Variants in ATP8B1 observed in about 807,000 individuals in gnomAD.
ATP8B1 encodes the protein phospholipid-transporting ATPase IC.
In ATP8B1, 80 loss-of-function variants were observed where a neutral mutation model predicts 149.9. That is an observed-to-expected ratio of 0.53 (90% CI 0.45 to 0.64). ATP8B1 has a LOEUF of 0.64. Ranked by LOEUF, ATP8B1 falls within the 30% of genes least tolerant of loss-of-function variation. The probability of loss-of-function intolerance (pLI) is 0.00; values close to 1 mark genes in which losing one functional copy is unlikely to be tolerated. For synonymous variants in ATP8B1, 536 were observed against 562.8 expected (o/e 0.95, Z 0.67); for missense variants, 1,247 against 1,552.6 (o/e 0.80, Z 3.31).
chr18:57,770,685 G>T (rs1362667903), intron 1 of ATP8B1, among the ~76,000 whole-genome samples: 1 of 152,262 alleles, frequency 6.6e-6, no homozygotes, highest in Non-Finnish European at 1.5e-5. Flanking sequence ...CCCCTTGGGG[G>T]CAAACCACAC....
intron 6 of ATP8B1, among the ~76,000 whole-genome samples, chr18:57,699,833 G>A (rs759373840): frequency 3.3e-4 from 51 of 152,256 alleles, no homozygotes; most frequent in Middle Eastern, 3.4e-3. Flanking sequence ...GATTACAGGC[G>A]TGAGCCACCG....
chr18:57,675,864 C>T (rs1442579433), intron 15 of ATP8B1, among the ~76,000 whole-genome samples: 1 of 152,160 alleles, frequency 6.6e-6, no homozygotes, highest in Admixed American at 6.6e-5. Flanking sequence ...CGCCACCACA[C>T]CTGGCTAATT....
At chr18:57,696,535 AT>A (rs1442668760) in intron 8 of ATP8B1, among the ~76,000 whole-genome samples, 2 of 88,954 alleles carry the variant, frequency 2.2e-5, no homozygotes, top group Non-Finnish European at 2.1e-5. Context: ...GGCTTTAAGT[AT>A]TTTTTTCCGC....
intron 2 of ATP8B1, among the ~76,000 whole-genome samples, chr18:57,713,317 G>T (rs539895887): frequency 7.1e-6 from 1 of 141,650 alleles, no homozygotes; most frequent in South Asian, 2.3e-4. Flanking sequence ...TCTTTTCAGA[G>T]ATAGAGTCTT....
intron 2 of ATP8B1, among the ~76,000 whole-genome samples, chr18:57,714,815 A>T (rs988728771): frequency 1.3e-5 from 2 of 152,212 alleles, no homozygotes; most frequent in African/African-American, 4.8e-5. Context: ...AATCCTTCCC[A>T]AGAAGGATGG....
intron 2 of ATP8B1, among the ~76,000 whole-genome samples, chr18:57,713,050 T>C (rs1226478386): frequency 2.6e-5 from 4 of 152,054 alleles, no homozygotes; most frequent in Admixed American, 2.0e-4. Context: ...CTGGCTTTAG[T>C]TGTGACCCAG....
intron 1 of ATP8B1, among the ~76,000 whole-genome samples, chr18:57,745,677 C>T (rs1428449961): frequency 3.4e-5 from 5 of 148,112 alleles, no homozygotes; most frequent in African/African-American, 1.0e-4. Context: ...TTTTTTCTGA[C>T]GCAGGGCCTT....
intron 6 of ATP8B1, among the ~76,000 whole-genome samples, chr18:57,700,721 C>T (rs1913073495): frequency 6.6e-6 from 1 of 152,226 alleles, no homozygotes; most frequent in Middle Eastern, 3.4e-3. Flanking sequence ...GAGTTTGAGA[C>T]CAGCCTGGCC....
chr18:57,684,317 TTC>T, intron 14 of ATP8B1, 125 bp from the exon 15 acceptor site: 1 of 1,045,676 alleles, frequency 9.6e-7, no homozygotes, highest in African/African-American at 1.6e-5. Flanking sequence ...TTTTAGCACA[TTC>T]TTAAATGTCA....
At chr18:57,792,807 G>C (rs1446250033) in intron 1 of ATP8B1, among the ~76,000 whole-genome samples, 1 of 152,100 alleles carries the variant, frequency 6.6e-6, no homozygotes, top group Non-Finnish European at 1.5e-5. Flanking sequence ...ATGGAGATGG[G>C]GAGTGGCTGG....
intron 1 of ATP8B1, among the ~76,000 whole-genome samples, chr18:57,761,061 T>C (rs2080148058): frequency 7.5e-6 from 1 of 133,672 alleles, no homozygotes; most frequent in South Asian, 2.3e-4. Context: ...TAACATAAAA[T>C]AACATAAAAT....
intron 5 of ATP8B1, 26 bp from the exon 6 acceptor site, chr18:57,701,126 T>C: frequency 1.9e-6 from 3 of 1,613,356 alleles, no homozygotes; most frequent in Non-Finnish European, 2.5e-6. Context: ...GGGGAAATGC[T>C]GTTTTAAACA....
intron 1 of ATP8B1, among the ~76,000 whole-genome samples, chr18:57,782,427 G>T (rs1475019451): frequency 6.6e-6 from 1 of 152,028 alleles, no homozygotes; most frequent in African/African-American, 2.4e-5. Flanking sequence ...TTTATTATGC[G>T]TGTAGGCATC....
chr18:57,745,621 C>T (rs2079957096), intron 1 of ATP8B1, among the ~76,000 whole-genome samples: 1 of 151,538 alleles, frequency 6.6e-6, no homozygotes, highest in Non-Finnish European at 1.5e-5. Context: ...GAATGGAAAC[C>T]ACATGAGTGT....
intron 24 of ATP8B1, 64 bp downstream of exon 24, chr18:57,653,928 C>T (rs1909811566): frequency 6.9e-7 from 1 of 1,441,496 alleles, no homozygotes; most frequent in East Asian, 2.3e-5. Context: ...GAAACGTTTG[C>T]TTGGGACTTC....
At chr18:57,670,493 AG>A (rs1911159702) in intron 17 of ATP8B1, among the ~76,000 whole-genome samples, 1 of 151,350 alleles carries the variant, frequency 6.6e-6, no homozygotes, top group Non-Finnish European at 1.5e-5. Flanking sequence ...CTGGGATTAC[AG>A]GCGGGTGCCA....
intron 1 of ATP8B1, among the ~76,000 whole-genome samples, chr18:57,796,225 G>T (rs1388088262): frequency 3.3e-5 from 5 of 152,132 alleles, no homozygotes; most frequent in Admixed American, 2.6e-4. Flanking sequence ...AAGAAGACAA[G>T]ATCATAAGGA....
chr18:57,651,421 A>G (rs531282085), intron 26 of ATP8B1, among the ~76,000 whole-genome samples: 10 of 151,960 alleles, frequency 6.6e-5, no homozygotes, highest in Non-Finnish European at 1.5e-4. Flanking sequence ...ATTAGGTTTT[A>G]TGGGAAAGAA....
Position 57,726,276 on chromosome 18 carries a change from G to A in ATP8B1, c.181+5351C>T, listed in dbSNP as rs117116358. ...AAAAAACCACTTGGGAAACTCTCCA[G>A]GACACTAAACTGGGCAAAGATTTCT... is the stretch of plus-strand genomic sequence containing the variant. On this transcript the variant is annotated intron_variant, in intron 2 of 27. Coordinates refer to ENST00000648908, the MANE Select transcript of ATP8B1 (RefSeq NM_001374385.1). 1.1e-3 allele frequency among the ~76,000 whole-genome samples: 160 copies of A among 152,136 alleles called. 2 individuals are homozygous for A. The East Asian group carries it at 0.027, about 26-fold the overall frequency.
Sources: allele counts gnomAD v4.1 joint callset (sites outside exome capture counted in the v4.1 genomes callset), GRCh38; gene constraint gnomAD v4.1.1; transcripts MANE v1.5; gene names NCBI Gene and HGNC (gene_info 2026-07-23, HGNC 2026-07-21).